The following RTL9 variants were observed in gnomAD, a reference collection of about 807,000 sequenced individuals.
RTL9 encodes retrotransposon Gag like 9.
Under a neutral mutation model 44.7 loss-of-function variants are expected in RTL9, and 19 were observed. The observed-to-expected ratio is 0.42, with a 90% CI of 0.30 to 0.62. RTL9 has a LOEUF of 0.62. RTL9 is among the 20% of genes least tolerant of loss of function. The pLI is 0.16. For synonymous variants in RTL9, 407 were observed against 398.9 expected (o/e 1.02, Z -0.24); for missense variants, 1,105 against 1,080.6 (o/e 1.02, Z -0.32).
exon 1 of RTL9, chrX:110,453,118 T>C: frequency 8.3e-7 from 1 of 1,210,337 alleles, no homozygotes; most frequent in Non-Finnish European, 1.1e-6. Context: ...ATGTCATCCA[T>C]GCCACAAGTG....
At chrX:110,386,917 T>C (rs1436464858) in intron 1 of RTL9, among the ~76,000 whole-genome samples, 1 of 112,206 alleles carries the variant, frequency 8.9e-6, no homozygotes, top group African/African-American at 3.2e-5. Context: ...TTATAACATG[T>C]TTAAATAGCA....
intron 1 of RTL9, among the ~76,000 whole-genome samples, chrX:110,376,788 C>T (rs757808074): frequency 4.4e-5 from 5 of 112,419 alleles, no homozygotes; most frequent in Non-Finnish European, 9.4e-5. Flanking sequence ...ATCACAGTAC[C>T]TGCCTTGCAG....
intron 1 of RTL9, among the ~76,000 whole-genome samples, chrX:110,385,805 C>G (rs367739627): frequency 9.0e-6 from 1 of 111,300 alleles, no homozygotes; most frequent in African/African-American, 3.3e-5. Flanking sequence ...TTTTTCGGGC[C>G]TTGTCCACCT....
chrX:110,424,033 C>T (rs1040180778), intron 1 of RTL9, among the ~76,000 whole-genome samples: 1 of 111,662 alleles, frequency 9.0e-6, no homozygotes, highest in Non-Finnish European at 1.9e-5. Flanking sequence ...CTATGATATG[C>T]TTTATATACC....
At chrX:110,393,978 C>T (rs1037014294) in intron 1 of RTL9, among the ~76,000 whole-genome samples, 4 of 112,428 alleles carry the variant, frequency 3.6e-5, no homozygotes, top group African/African-American at 9.7e-5. Context: ...GATAGGAAAG[C>T]GCTCAATGAG....
intron 1 of RTL9, among the ~76,000 whole-genome samples, chrX:110,369,136 T>C (rs1352890812): frequency 9.0e-6 from 1 of 111,373 alleles, no homozygotes; most frequent in Non-Finnish European, 1.9e-5. Flanking sequence ...ATTGAGACCA[T>C]CCTGGCTAAC....
chrX:110,422,283 G>C (rs1386030419), intron 1 of RTL9, among the ~76,000 whole-genome samples: 3 of 112,790 alleles, frequency 2.7e-5, no homozygotes, highest in Non-Finnish European at 5.6e-5. Flanking sequence ...AGACAAGCTG[G>C]GCTCCCTTTT....
At chrX:110,379,761 G>A (rs758003902) in intron 1 of RTL9, among the ~76,000 whole-genome samples, 16 of 112,096 alleles carry the variant, frequency 1.4e-4, no homozygotes, top group African/African-American at 4.9e-4. Context: ...TCCCAATACC[G>A]ATGAACTAAA....
rs776239038 is a variant in RTL9 at position 110,450,690 on chromosome X, C to A, written c.73C>A (p.Gln25Lys). The change falls in exon 1 of 2, where the codon CAG becomes AAG. Residue 25 changes from glutamine (Q) to lysine (K), a missense_variant. Transcript: ENST00000540313. ...GGAAAATGTTGAGCCCCAAAACAAGCAGATGGCCTTCTGTAGACCAATGAC... is the reference window on the plus strand; with the variant it reads ...GGAAAATGTTGAGCCCCAAAACAAGAAGATGGCCTTCTGTAGACCAATGAC... 1.2e-5 allele frequency: 15 copies of A among 1,208,816 alleles called. No homozygotes were observed. The African/African-American group carries it at 1.9e-4, about 16-fold the overall frequency.
At chrX:110,449,123 T>C (rs1413974411), upstream of RTL9, among the ~76,000 whole-genome samples, 1 of 110,499 alleles carries the variant, frequency 9.0e-6, no homozygotes, top group Non-Finnish European at 1.9e-5. Flanking sequence ...GAGGTGGATC[T>C]TTATAGCACC....
At position 110,443,924 on chromosome X, in the gene RTL9, G is replaced by A. The variant is rs2068895583; in HGVS notation, c.-167-1229G>A. Among the ~76,000 whole-genome samples the A allele has an allele frequency of 2.7e-5, 3 of 112,329 alleles. No homozygotes were observed. The Admixed American group carries it at 2.8e-4, about 11-fold the overall frequency. ...GAATTTGTGTAAGAATCCTGTCCAT[G>A]CCTTTATTTACACCATTGATTAAAA... On this transcript the variant is annotated intron_variant, in intron 1 of 3. Transcript: ENST00000465301.
At chrX:110,424,214 C>T (rs1033323075) in intron 1 of RTL9, among the ~76,000 whole-genome samples, 1 of 111,764 alleles carries the variant, frequency 8.9e-6, no homozygotes, top group African/African-American at 3.3e-5. Flanking sequence ...ACTACACTTC[C>T]TCCACATAGC....
chrX:110,385,099 A>G (rs1334361020), intron 1 of RTL9, among the ~76,000 whole-genome samples: 2 of 111,408 alleles, frequency 1.8e-5, no homozygotes, highest in Non-Finnish European at 3.8e-5. Context: ...TTCTAGATCC[A>G]GATGGCCTGA....
intron 1 of RTL9, among the ~76,000 whole-genome samples, chrX:110,384,743 G>A (rs1363704079): frequency 3.6e-5 from 4 of 110,698 alleles, no homozygotes; most frequent in Non-Finnish European, 7.6e-5. Flanking sequence ...GAGCTTTTCT[G>A]TAAGGATTTG....
chrX:110,396,318 G>A (rs2068527970), intron 1 of RTL9, among the ~76,000 whole-genome samples: 1 of 111,764 alleles, frequency 8.9e-6, no homozygotes, highest in African/African-American at 3.3e-5. Context: ...CATCTATCAT[G>A]ATTTTCCATG....
At chrX:110,450,227 A>G (rs1456133158), upstream of RTL9, among the ~76,000 whole-genome samples, 1 of 111,388 alleles carries the variant, frequency 9.0e-6, no homozygotes, top group African/African-American at 3.3e-5. Context: ...GGGATAGAAT[A>G]CAGGCCAGGA....
In RTL9 at chrX:110,392,038, A is replaced by G. The variant is rs191497944; in HGVS notation, c.-168+33122A>G. On this transcript the variant is annotated intron_variant, in intron 1 of 2. Transcript: ENST00000520821. ...ATTAAGATAAAGTTCCCATGAGAGTATATTTTACATTCTCATGAATCACGG... is the reference window on the plus strand; with the variant it reads ...ATTAAGATAAAGTTCCCATGAGAGTGTATTTTACATTCTCATGAATCACGG... 2.4e-3 allele frequency among the ~76,000 whole-genome samples: 271 copies of G among 112,397 alleles called. 1 individual carries two copies. Among genetic ancestry groups the G allele is most frequent in the Non-Finnish European group, 4.0e-3 (214 of 53,311 alleles).
At chrX:110,427,341 A>G (rs1309937292) in intron 1 of RTL9, among the ~76,000 whole-genome samples, 1 of 111,911 alleles carries the variant, frequency 8.9e-6, no homozygotes, top group Non-Finnish European at 1.9e-5. Context: ...GGCTCTCAAA[A>G]TGTGGGTCCT....
At chrX:110,375,426 A>C (rs1204220437) in intron 1 of RTL9, among the ~76,000 whole-genome samples, 2 of 111,780 alleles carry the variant, frequency 1.8e-5, no homozygotes, top group Non-Finnish European at 3.8e-5. Flanking sequence ...AACAACCTAG[A>C]ATACAAACTC....
Sources: gnomAD v4.1 joint callset for allele counts (sites outside exome capture counted in the v4.1 genomes callset) on GRCh38, gnomAD v4.1.1 for gene constraint, MANE v1.5 for transcripts, NCBI Gene and HGNC (gene_info 2026-07-23, HGNC 2026-07-21) for gene names.